Variants in SEC22B observed in about 807,000 individuals in gnomAD.
SEC22B encodes the protein SEC22 homolog B, vesicle trafficking protein.
Under a neutral mutation model 31.4 loss-of-function variants are expected in SEC22B, and 10 were observed. That is an observed-to-expected ratio of 0.32 (90% confidence interval 0.20 to 0.54). The LOEUF is 0.54. Among genes scored for constraint, SEC22B ranks in the 20% least tolerant of loss-of-function variants. The probability of loss-of-function intolerance (pLI) is 0.94; values close to 1 mark genes in which losing one functional copy is unlikely to be tolerated. For missense variants in SEC22B, 130 were observed against 263.4 expected (o/e 0.49, Z 3.50); for synonymous variants, 60 against 95.9 (o/e 0.63, Z 2.19).
At position 120,151,863 on chromosome 1, in the gene SEC22B, T is replaced by A. The variant is rs1657546994; in HGVS notation, c.*5175A>T. ...ATATTAAAAAATTTTTGGTTAATAG[T>A]CTAGTTAGAGGTGAAAGAAGAAAGC... On this transcript the variant is annotated 3_prime_UTR_variant, in exon 5 of 5. Coordinates refer to ENST00000578049, the MANE Select transcript of SEC22B (RefSeq NM_004892.6). 6.6e-6 allele frequency: 1 copy of A among 151,538 alleles called. No individual in the cohort carries two copies. Among genetic ancestry groups the A allele is most frequent in the Non-Finnish European group, 1.5e-5 (1 of 67,968 alleles). 9.4% of individuals were successfully genotyped at this position (151,538 alleles called of 1,614,324 possible). A position where few individuals can be genotyped will look rare whatever the true frequency, so the allele number is the denominator to read the frequency against.
At chr1:120,160,344 T>A in intron 4 of SEC22B, 40 bp downstream of exon 4, 1 of 1,501,172 alleles carries the variant, frequency 6.7e-7, no homozygotes, top group South Asian at 1.2e-5. Flanking sequence ...GTCTATGGAA[T>A]GAGAACCATT....
intron 4 of SEC22B, among the ~76,000 whole-genome samples, 182 bp downstream of exon 4, chr1:120,160,202 C>T (rs1657692183): frequency 1.3e-5 from 2 of 148,734 alleles, no homozygotes; most frequent in Non-Finnish European, 3.0e-5. Context: ...TCCAACTCAA[C>T]AAAAACTAAT....
Position 120,156,612 on chromosome 1 carries a change from A to C in SEC22B, c.*426T>G, listed in dbSNP as rs1301282623. 6.8e-6 allele frequency: 1 copy of C among 146,958 alleles called. No individual in the cohort carries two copies. The highest frequency in any genetic ancestry group is 2.5e-5 in the African/African-American group (1 of 39,938). 9.1% of individuals were successfully genotyped at this position (146,958 alleles called of 1,614,324 possible). A position where few individuals can be genotyped will look rare whatever the true frequency, so the allele number is the denominator to read the frequency against. On this transcript the variant is annotated 3_prime_UTR_variant, in exon 5 of 5. Transcript: ENST00000578049. ...GAATGTTGATTAGAGTCAAAAAAAA[A>C]AAAAAAAAAAAAAACACCTTCCCAA...
At chr1:120,161,004 A>G (rs1657707537) in intron 3 of SEC22B, among the ~76,000 whole-genome samples, 1 of 152,212 alleles carries the variant, frequency 6.6e-6, no homozygotes, top group African/African-American at 2.4e-5. Flanking sequence ...TGATTATTTC[A>G]TTTGTAAGAT....
intron 2 of SEC22B, among the ~76,000 whole-genome samples, chr1:120,164,047 C>A (rs1657764422): frequency 7.8e-6 from 1 of 128,690 alleles, no homozygotes; most frequent in Non-Finnish European, 1.7e-5. Context: ...GCAATCTCCA[C>A]CTCCCAGGTT....
rs1386752142 is a variant in SEC22B at position 120,151,265 on chromosome 1, C to T, written c.*5773G>A. ...ATTATTTTGTGTGGCTAAGACAAAA[C>T]AAAGCTGGTGGGGAGTGGCAGGAGG... On this transcript the variant is annotated 3_prime_UTR_variant, in exon 5 of 5. Transcript: ENST00000578049. The T allele has an allele frequency of 1.3e-5, 2 of 152,078 alleles. No individual in the cohort carries two copies. The highest frequency in any genetic ancestry group is 6.6e-5 in the Admixed American group (1 of 15,256). The allele number at this position is 152,078 out of a possible 1,614,324, so 9.4% of individuals were successfully genotyped here. A position where few individuals can be genotyped will look rare whatever the true frequency, so the allele number is the denominator to read the frequency against.
chr1:120,163,316 A>G lies in SEC22B; in HGVS notation c.240T>C (p.Pro80=), dbSNP rs1366959470. ...CTAGGTAGGCAAAAGCCAACTTCTT[A>G]GGGAAGGCAGCTTCACATAAAACCA... The part of the protein sequence containing the change: ...CYLVLCEAAF[P]KKLAFAYLED... The change falls in exon 3 of 5, where the codon CCT becomes CCC. Residue 80 remains proline (P), a synonymous_variant. Coordinates refer to ENST00000578049, the MANE Select transcript of SEC22B (RefSeq NM_004892.6). The G allele has an allele frequency of 8.1e-6, 13 of 1,608,390 alleles. No homozygotes were observed. The Admixed American group carries it at 2.0e-4, about 25-fold the overall frequency.
chr1:120,166,756 A>G (rs1404541836), intron 2 of SEC22B, among the ~76,000 whole-genome samples: 8 of 149,614 alleles, frequency 5.3e-5, no homozygotes, highest in Non-Finnish European at 1.2e-4. Context: ...GCTATAACTT[A>G]CCACGTATTT....
chr1:120,168,495 C>G (rs1657846755), intron 2 of SEC22B, among the ~76,000 whole-genome samples: 1 of 152,020 alleles, frequency 6.6e-6, no homozygotes, highest in Non-Finnish European at 1.5e-5. Flanking sequence ...GAAACTGAGG[C>G]TTAGAGAAGT....
At chr1:120,166,136 A>G (rs1657803686) in intron 2 of SEC22B, among the ~76,000 whole-genome samples, 1 of 147,808 alleles carries the variant, frequency 6.8e-6, no homozygotes, top group South Asian at 2.1e-4. Flanking sequence ...AAAAGTCAAT[A>G]AATGCTGTTG....
At chr1:120,168,638 T>C (rs1216405594) in intron 2 of SEC22B, among the ~76,000 whole-genome samples, 1 of 150,638 alleles carries the variant, frequency 6.6e-6, no homozygotes, top group Non-Finnish European at 1.5e-5. Flanking sequence ...CATAGACACA[T>C]GTTAACAGGT....
intron 2 of SEC22B, among the ~76,000 whole-genome samples, chr1:120,165,271 A>T: frequency 6.6e-6 from 1 of 152,072 alleles, no homozygotes; most frequent in Non-Finnish European, 1.5e-5. Context: ...TTAATGACAT[A>T]ATGTTTACTG....
In SEC22B at chr1:120,155,866, T is replaced by C. The variant is rs1164235490; in HGVS notation, c.*1172A>G. ...ACTTTAATTAGTTAATAGAAACCAC[T>C]GTAAATGAGTTATCTATCTCCAGAA... On this transcript the variant is annotated 3_prime_UTR_variant, in exon 5 of 5. Transcript: ENST00000578049. The C allele has an allele frequency of 6.6e-6, 1 of 151,416 alleles. No individual in the cohort carries two copies. The highest frequency in any genetic ancestry group is 1.5e-5 in the Non-Finnish European group (1 of 67,656). 9.4% of individuals were successfully genotyped at this position (151,416 alleles called of 1,614,324 possible). A position where few individuals can be genotyped will look rare whatever the true frequency, so the allele number is the denominator to read the frequency against.
At position 120,153,260 on chromosome 1, in the gene SEC22B, C is replaced by G. The variant is rs11589354; in HGVS notation, c.*3778G>C. ...ATCTGGGAAAAAACCAACCAACCAA[C>G]CAACCAAACAAAAGAAAAACCCACC... On this transcript the variant is annotated 3_prime_UTR_variant, in exon 5 of 5. Transcript: ENST00000578049. 1 of 138,306 alleles carries G rather than the reference C, an allele frequency of 7.2e-6. No individual in the cohort carries two copies. Among genetic ancestry groups the G allele is most frequent in the African/African-American group, 3.1e-5 (1 of 31,764 alleles). 8.6% of individuals were successfully genotyped at this position (138,306 alleles called of 1,614,324 possible).
intron 2 of SEC22B, among the ~76,000 whole-genome samples, chr1:120,167,371 AT>A (rs1657829277): frequency 2.0e-5 from 3 of 151,908 alleles, no homozygotes; most frequent in African/African-American, 7.3e-5. Context: ...TTCTTTACAT[AT>A]TTGTGGACTT....
intron 2 of SEC22B, among the ~76,000 whole-genome samples, chr1:120,165,097 T>A (rs1268875687): frequency 1.3e-5 from 2 of 152,184 alleles, no homozygotes; most frequent in Admixed American, 1.3e-4. Context: ...TTAAATGGGG[T>A]TGTTTTTTGC....
chr1:120,175,973 C>T (rs1657954053), intron 1 of SEC22B, among the ~76,000 whole-genome samples: 1 of 152,122 alleles, frequency 6.6e-6, no homozygotes, highest in African/African-American at 2.4e-5. Flanking sequence ...CATCAGCAGT[C>T]CTATTAGCAG....
intron 2 of SEC22B, among the ~76,000 whole-genome samples, chr1:120,164,118 C>T (rs1249030353): frequency 6.7e-6 from 1 of 148,822 alleles, no homozygotes; most frequent in African/African-American, 2.5e-5. Context: ...CACCACCACA[C>T]CCAGCTAATT....
intron 2 of SEC22B, among the ~76,000 whole-genome samples, chr1:120,167,057 ATATGATCTC>A (rs1657824439): frequency 6.7e-6 from 1 of 150,132 alleles, no homozygotes; most frequent in Non-Finnish European, 1.5e-5. Flanking sequence ...AAAGACTATT[ATATGATCTC>A]TCAGGCCCCT....
Sources: gnomAD v4.1 joint callset for allele counts (sites outside exome capture counted in the v4.1 genomes callset) on GRCh38, gnomAD v4.1.1 for gene constraint, MANE v1.5 for transcripts, NCBI Gene and HGNC (gene_info 2026-07-23, HGNC 2026-07-21) for gene names.